Variants in SLC2A9 observed in about 807,000 individuals in gnomAD.
SLC2A9 encodes solute carrier family 2, facilitated glucose transporter member 9.
A neutral mutation model predicts 50.6 loss-of-function variants in SLC2A9; 39 were observed. The ratio of observed to expected loss-of-function variants is 0.77; its 90% CI spans 0.60 to 1.01. The LOEUF is 1.01. Ranked by LOEUF, SLC2A9 falls within the 50% of genes least tolerant of loss-of-function variation. The probability of loss-of-function intolerance (pLI) is 0.00; values close to 1 mark genes in which losing one functional copy is unlikely to be tolerated. For synonymous variants in SLC2A9, 324 were observed against 276.9 expected (o/e 1.17, Z -1.69); for missense variants, 686 against 677.6 (o/e 1.01, Z -0.14).
At chr4:10,031,334 G>T (rs183810185) in intron 1 of SLC2A9, among the ~76,000 whole-genome samples, 1 of 152,232 alleles carries the variant, frequency 6.6e-6, no homozygotes, top group South Asian at 2.1e-4. Context: ...CAACAGGCTG[G>T]CCCATGACCT....
At chr4:9,799,692 A>ACTC (rs1553813206) in intron 3 of SLC2A9, among the ~76,000 whole-genome samples, 1 of 69,810 alleles carries the variant, frequency 1.4e-5, no homozygotes, top group Non-Finnish European at 2.7e-5. Flanking sequence ...TTCCAATTGT[A>ACTC]CCCCCCCCCC....
intron 7 of SLC2A9, among the ~76,000 whole-genome samples, chr4:9,917,710 T>A (rs1743138323): frequency 6.6e-6 from 1 of 152,176 alleles, no homozygotes; most frequent in Non-Finnish European, 1.5e-5. Context: ...TCTGTGATGT[T>A]TGCTTGATAC....
intron 3 of SLC2A9, among the ~76,000 whole-genome samples, chr4:9,802,900 T>C (rs1533615): frequency 0.93 from 142,150 of 152,284 alleles, 66,517 homozygotes; most frequent in Middle Eastern, 0.96. Context: ...TATCCAGGAA[T>C]ATTTCCCAAT....
At chr4:9,851,274 C>G (rs6831796) in intron 10 of SLC2A9, among the ~76,000 whole-genome samples, 47,516 of 152,076 alleles carry the variant, frequency 0.31, 8,317 homozygotes, top group African/African-American at 0.43. Flanking sequence ...CAATGTCAGT[C>G]CCCCAGAGCC....
At chr4:9,783,208 C>T (rs1358208240) in intron 3 of SLC2A9, 1 of 1,614,114 alleles carries the variant, frequency 6.2e-7, no homozygotes, top group Admixed American at 1.7e-5. Flanking sequence ...GCAATGAGCT[C>T]ATCTCCTACA....
At chr4:9,780,520 G>A (rs369533058) in intron 3 of SLC2A9, among the ~76,000 whole-genome samples, 1 of 152,300 alleles carries the variant, frequency 6.6e-6, no homozygotes, top group African/African-American at 2.4e-5. Context: ...GTTGGTCCAG[G>A]GTACAGGTGC....
chr4:9,996,293 T>G (rs888789507), intron 3 of SLC2A9, among the ~76,000 whole-genome samples: 1 of 152,250 alleles, frequency 6.6e-6, no homozygotes, highest in African/African-American at 2.4e-5. Context: ...CAGATCTGTA[T>G]GTACTTACGT....
chr4:9,845,607 T>C lies in SLC2A9; in HGVS notation c.1292-10599A>G, dbSNP rs1181441576. On this transcript the variant is annotated intron_variant, in intron 10 of 11. Transcript: ENST00000264784. The stretch of plus-strand genomic sequence containing the variant: ...ACCACGACCGGCTAATTTTTTTGTA[T>C]TTTTAGTAGAGACGGGGTTTCACCG... 2.7e-5 allele frequency among the ~76,000 whole-genome samples: 4 copies of C among 150,506 alleles called. No individual in the cohort carries two copies. In the East Asian group the frequency reaches 7.9e-4, roughly 30 times the overall value.
At chr4:9,783,131 G>T (rs1234256465) in intron 3 of SLC2A9, 56 of 1,614,230 alleles carry the variant, frequency 3.5e-5, no homozygotes, top group Non-Finnish European at 4.7e-5. Context: ...CTTTCAGAAG[G>T]TGTTTGCCCA....
intron 3 of SLC2A9, among the ~76,000 whole-genome samples, chr4:9,806,500 A>C (rs965960884): frequency 6.6e-6 from 1 of 152,198 alleles, no homozygotes; most frequent in African/African-American, 2.4e-5. Context: ...GTCAGCTCTG[A>C]AGGCTGTGAA....
rs1314535708 is a variant in SLC2A9, at chr4:9,965,125, G to A, written c.681+15467C>T. 2.0e-5 allele frequency among the ~76,000 whole-genome samples: 3 copies of A among 152,312 alleles called. No homozygotes were observed. In the East Asian group the frequency reaches 5.8e-4, roughly 29 times the overall value. ...AGCCTTACAAAATCCCCACGAAAGAGGTCCCATTATTAATGCTATTGTATA... is the reference window on the plus strand; with the variant it reads ...AGCCTTACAAAATCCCCACGAAAGAAGTCCCATTATTAATGCTATTGTATA... On this transcript the variant is annotated intron_variant, in intron 5 of 11. Transcript: ENST00000264784.
At chr4:9,828,823 C>T (rs1042260721) in intron 11 of SLC2A9, among the ~76,000 whole-genome samples, 1 of 152,220 alleles carries the variant, frequency 6.6e-6, no homozygotes, top group Admixed American at 6.5e-5. Context: ...TGTTTATTAA[C>T]CTTCTCCCTA....
At chr4:9,804,680 T>A (rs1721892854) in intron 3 of SLC2A9, among the ~76,000 whole-genome samples, 1 of 152,306 alleles carries the variant, frequency 6.6e-6, no homozygotes, top group East Asian at 1.9e-4. Context: ...TTGGAATCAC[T>A]CTTCTTTAAT....
intron 2 of SLC2A9, among the ~76,000 whole-genome samples, chr4:10,011,334 C>T (rs1453600678): frequency 6.6e-6 from 1 of 152,150 alleles, no homozygotes; most frequent in Non-Finnish European, 1.5e-5. Context: ...GCTCAGAACC[C>T]CCCACTCCAG....
At chr4:9,820,089 T>A (rs1724197736) in intron 3 of SLC2A9, among the ~76,000 whole-genome samples, 1 of 152,272 alleles carries the variant, frequency 6.6e-6, no homozygotes, top group African/African-American at 2.4e-5. Context: ...TCTCCTAAGT[T>A]TTTTTCTAAA....
intron 1 of SLC2A9, chr4:9,771,405 T>A (rs1224674375): frequency 2.5e-6 from 1 of 398,240 alleles, no homozygotes; most frequent in East Asian, 3.6e-5. Context: ...TCATGCCAGT[T>A]CTTAGGTGCT....
chr4:9,954,971 A>G (rs553290991), intron 5 of SLC2A9, among the ~76,000 whole-genome samples: 1 of 152,266 alleles, frequency 6.6e-6, no homozygotes, highest in South Asian at 2.1e-4. Context: ...GCTCAAGCAT[A>G]TGCACGAAGA....
intron 3 of SLC2A9, among the ~76,000 whole-genome samples, chr4:9,808,756 A>G (rs746308862): frequency 1.3e-5 from 2 of 152,216 alleles, no homozygotes; most frequent in Admixed American, 6.5e-5. Flanking sequence ...CAAAGTGAGC[A>G]GCAGTGTGAA....
At chr4:9,787,063 C>T (rs1719319545) in intron 3 of SLC2A9, among the ~76,000 whole-genome samples, 1 of 152,204 alleles carries the variant, frequency 6.6e-6, no homozygotes, top group South Asian at 2.1e-4. Context: ...TTTGGCTCCA[C>T]CATTTATTAG....
Sources: allele counts gnomAD v4.1 joint callset (sites outside exome capture counted in the v4.1 genomes callset), GRCh38; gene constraint gnomAD v4.1.1; transcripts MANE v1.5; gene names NCBI Gene and HGNC (gene_info 2026-07-23, HGNC 2026-07-21).